OTOG: variants seen among roughly 807,000 people sequenced by gnomAD.
OTOG encodes otogelin.
OTOG carries 296 observed loss-of-function variants against 313.8 expected under a neutral mutation model. That is an observed-to-expected ratio of 0.94 (90% CI 0.86 to 1.04). OTOG has a LOEUF of 1.04. OTOG is among the 50% of genes least tolerant of loss of function. The pLI, the probability that OTOG is intolerant of heterozygous loss-of-function variation, is 0.00. For missense variants in OTOG, 3,948 were observed against 3,840.1 expected (o/e 1.03, Z -0.74); for synonymous variants, 1,533 against 1,554.9 (o/e 0.99, Z 0.33).
At position 17,559,111 on chromosome 11, in the gene OTOG, C is replaced by T; in HGVS notation, c.1163C>T (p.Ala388Val). 1 of 1,544,738 alleles carries T rather than the reference C, an allele frequency of 6.5e-7. No homozygotes were observed. The highest frequency in any genetic ancestry group is 8.7e-7 in the Non-Finnish European group (1 of 1,146,938). Residue 388 changes from alanine to valine, a missense_variant, in exon 11 of 56, where the codon GCC (alanine) becomes GTC (valine). Transcript: ENST00000399397. ...CTGGCGGAGTATGCCCGGGCGTGTG[C>T]CCAGGCAGGGCGGCCCTTGCAAGGC... ...RALAEYARAC[A>V]QAGRPLQGWR... is the part of the protein sequence containing the mutation.
chr11:17,593,283 G>A lies in OTOG; in HGVS notation c.3097G>A (p.Val1033Ile), dbSNP rs962818960. 14 of 1,550,418 alleles carry A rather than the reference G, an allele frequency of 9.0e-6. No homozygotes were observed. Among genetic ancestry groups the A allele is most frequent in the African/African-American group, 1.4e-5 (1 of 73,020 alleles). ...MICRKFISIN[V>I]GNSLIVFDDD... ...CTGCAGGAAATTTATTTCCATCAAC[G>A]TTGGGAACTCACTCATTGTCTTTGA... The change falls in exon 26 of 56, where the codon GTT (valine) becomes ATT (isoleucine). Residue 1033 changes from valine (V) to isoleucine (I), a missense_variant. Physicochemically the swap from Val to Ile is conservative, Grantham distance 29 (BLOSUM62 3). Coordinates refer to ENST00000399397, the MANE Select transcript of OTOG (RefSeq NM_001292063.2).
intron 39 of OTOG, among the ~76,000 whole-genome samples, chr11:17,627,029 GT>G (rs1299107692): frequency 6.6e-6 from 1 of 152,062 alleles, no homozygotes; most frequent in African/African-American, 2.4e-5. Flanking sequence ...GGAATCTTTA[GT>G]TTTTTTCCAA....
At chr11:17,629,337 C>G (rs541998681) in intron 40 of OTOG, 21 bp downstream of exon 40, 1 of 1,536,120 alleles carries the variant, frequency 6.5e-7, no homozygotes, top group Non-Finnish European at 8.8e-7. Flanking sequence ...ACCCAGCTTG[C>G]GGGGAGGGGA....
At chr11:17,619,621 A>T (rs1455042166) in intron 39 of OTOG, among the ~76,000 whole-genome samples, 1 of 152,176 alleles carries the variant, frequency 6.6e-6, no homozygotes, top group East Asian at 1.9e-4. Context: ...GACTAGCTAC[A>T]AATAATATTA....
chr11:17,562,046 A>AAAATATAT (rs1440986349), intron 15 of OTOG, among the ~76,000 whole-genome samples: 21 of 139,822 alleles, frequency 1.5e-4, no homozygotes, highest in African/African-American at 2.7e-4. Context: ...CTAAAAAAAA[A>AAAATATAT]ATATATATAT....
chr11:17,575,392 C>A (rs1376010320), intron 20 of OTOG, among the ~76,000 whole-genome samples: 1 of 152,134 alleles, frequency 6.6e-6, no homozygotes, highest in Non-Finnish European at 1.5e-5. Context: ...AGCAGGGAGT[C>A]CCATTCCTGG....
Position 17,557,333 on chromosome 11 carries a change from A to C in OTOG, c.865+10A>C. ...CTGGTGACCAGCTCTGGTGAGGGTC[A>C]GACAGGTGGCCTCTGAGGGGTGTTG... On this transcript the variant is annotated intron_variant, in intron 8 of 55. Transcript: ENST00000399397. The C allele has an allele frequency of 6.5e-7, 1 of 1,548,126 alleles. No homozygotes were observed. Among genetic ancestry groups the C allele is most frequent in the Non-Finnish European group, 8.7e-7 (1 of 1,145,468 alleles).
intron 15 of OTOG, among the ~76,000 whole-genome samples, chr11:17,568,587 T>C (rs1235323031): frequency 6.6e-6 from 1 of 152,252 alleles, no homozygotes; most frequent in African/African-American, 2.4e-5. Context: ...TGATACAGTA[T>C]GCCTTGCACA....
chr11:17,607,252 G>T lies in OTOG; in HGVS notation c.4157-1044G>T, dbSNP rs140781825. On this transcript the variant is annotated intron_variant, in intron 33 of 55. Coordinates refer to ENST00000399397, the MANE Select transcript of OTOG (RefSeq NM_001292063.2). ...ACAGCTGGCAGCAGTGTTCAGGTTAGGGCGTCTGGAGGAGCTGCCGGTGGG... is the reference window on the plus strand; with the variant it reads ...ACAGCTGGCAGCAGTGTTCAGGTTATGGCGTCTGGAGGAGCTGCCGGTGGG... Among the ~76,000 whole-genome samples the T allele has an allele frequency of 2.4e-3, 359 of 152,374 alleles. 1 individual carries two copies. Among genetic ancestry groups the T allele is most frequent in the African/African-American group, 8.0e-3 (333 of 41,590 alleles).
intron 25 of OTOG, among the ~76,000 whole-genome samples, chr11:17,592,157 G>A (rs1852960221): frequency 6.6e-6 from 1 of 152,156 alleles, no homozygotes; most frequent in Non-Finnish European, 1.5e-5. Flanking sequence ...GGGGGGCACA[G>A]TGAAGGCAGG....
At chr11:17,561,954 C>A (rs1852195859) in intron 15 of OTOG, 147 bp downstream of exon 15, 1 of 1,002,994 alleles carries the variant, frequency 1.0e-6, no homozygotes, top group Non-Finnish European at 1.4e-6. Context: ...TGGACTCCAG[C>A]CCAAGCACCT....
At chr11:17,609,445 C>T (rs1010452985) in intron 35 of OTOG, among the ~76,000 whole-genome samples, 6 of 152,026 alleles carry the variant, frequency 3.9e-5, no homozygotes, top group Admixed American at 6.5e-5. Flanking sequence ...GGTGGTGCAG[C>T]CAGACTTAGA....
chr11:17,594,079 C>T lies in OTOG; in HGVS notation c.3321C>T (p.Asp1107=), dbSNP rs1475553608. ...GQLAGLCGNF[D]LKTINEMRTP... ...TGGCGGGCCTCTGTGGGAACTTTGA[C>T]TTAAAAACCATCAATGAGATGAGGA... is the stretch of plus-strand genomic sequence containing the variant. Residue 1107 remains aspartate, a synonymous_variant, in exon 28 of 56, where the codon GAC becomes GAT. Transcript: ENST00000399397. The T allele has an allele frequency of 3.2e-6, 5 of 1,550,450 alleles. No homozygotes were observed. Among genetic ancestry groups the T allele is most frequent in the Non-Finnish European group, 3.5e-6 (4 of 1,147,000 alleles).
Position 17,635,067 on chromosome 11 carries a change from G to C in OTOG, c.7586-13G>C. 3 of 1,544,764 alleles carry C rather than the reference G, an allele frequency of 1.9e-6. No individual in the cohort carries two copies. Among genetic ancestry groups the C allele is most frequent in the Non-Finnish European group, 2.6e-6 (3 of 1,142,968 alleles). On this transcript the variant is annotated splice_polypyrimidine_tract_variant and intron_variant, in intron 45 of 55. Transcript: ENST00000399397. ...GTTCCTCTCCCAGCACCTAAATTCA[G>C]CCTTTTCCCCAGAGTGTGACCCAGA...
intron 32 of OTOG, among the ~76,000 whole-genome samples, chr11:17,604,075 A>G (rs944582222): frequency 5.3e-5 from 8 of 152,246 alleles, no homozygotes; most frequent in African/African-American, 1.7e-4. Flanking sequence ...AGATTAAGTG[A>G]TTTACCCAAG....
intron 54 of OTOG, 87 bp from the exon 55 acceptor site, chr11:17,645,477 G>A (rs1212931286): frequency 3.2e-6 from 4 of 1,249,556 alleles, no homozygotes; most frequent in Non-Finnish European, 4.5e-6. Context: ...CCTCCAGCAT[G>A]ACACTAACTG....
Position 17,608,394 on chromosome 11 carries a change from A to C in OTOG, c.4255A>C (p.Ser1419Arg). Residue 1419 changes from serine to arginine, a missense_variant, in exon 34 of 56, where the codon AGC becomes CGC. Coordinates refer to ENST00000399397, the MANE Select transcript of OTOG (RefSeq NM_001292063.2). ...FQTCRDPRAA[S>R]CRDVPRVEGC... Reference sequence around the variant, plus strand: ...AACCTGCCGGGACCCACGGGCAGCCAGCTGCCGGGACGTACCCAGGTGAGA... The same window carrying C: ...AACCTGCCGGGACCCACGGGCAGCCCGCTGCCGGGACGTACCCAGGTGAGA... 6.5e-7 allele frequency: 1 copy of C among 1,543,982 alleles called. No homozygotes were observed. The highest frequency in any genetic ancestry group is 1.2e-5 in the South Asian group (1 of 82,592).
At position 17,638,590 on chromosome 11, in the gene OTOG, A is replaced by G. The variant is rs577316219; in HGVS notation, c.7894+41A>G. ...GGACAGCCTCCCCGCTGGGAGATCCAGTGGCCCTGCTGAGGAGGGATTGAG... is the reference window on the plus strand; with the variant it reads ...GGACAGCCTCCCCGCTGGGAGATCCGGTGGCCCTGCTGAGGAGGGATTGAG... On this transcript the variant is annotated intron_variant, in intron 48 of 55. Coordinates refer to ENST00000399397, the MANE Select transcript of OTOG (RefSeq NM_001292063.2). 1.4e-5 allele frequency: 22 copies of G among 1,534,754 alleles called. No individual in the cohort carries two copies. The African/African-American group carries it at 1.9e-4, about 13-fold the overall frequency.
chr11:17,609,269 C>G (rs1853465360), intron 35 of OTOG, 60 bp downstream of exon 35: 2 of 1,458,146 alleles, frequency 1.4e-6, no homozygotes, highest in African/African-American at 2.8e-5. Flanking sequence ...TAGGGTCTCA[C>G]TGAGCAGTCA....
Sources: gnomAD v4.1 joint callset for allele counts (sites outside exome capture counted in the v4.1 genomes callset) on GRCh38, gnomAD v4.1.1 for gene constraint, MANE v1.5 for transcripts, NCBI Gene and HGNC (gene_info 2026-07-23, HGNC 2026-07-21) for gene names.